Variants in ATP6V0D1 observed in about 807,000 individuals in gnomAD.
The protein encoded by ATP6V0D1 is V-type proton ATPase subunit d 1.
A neutral mutation model predicts 39.0 loss-of-function variants in ATP6V0D1; 13 were observed. The ratio of observed to expected loss-of-function variants is 0.33; its 90% confidence interval spans 0.22 to 0.53. The LOEUF is 0.53. Among genes scored for constraint, ATP6V0D1 ranks in the 20% least tolerant of loss-of-function variants. The probability of loss-of-function intolerance (pLI) is 0.94; values close to 1 mark genes in which losing one functional copy is unlikely to be tolerated. For synonymous variants in ATP6V0D1, 191 were observed against 191.2 expected (o/e 1.00, Z 0.01); for missense variants, 272 against 470.9 (o/e 0.58, Z 3.91).
At chr16:67,451,693 A>G (rs2142311135) in intron 2 of ATP6V0D1, among the ~76,000 whole-genome samples, 1 of 152,344 alleles carries the variant, frequency 6.6e-6, no homozygotes, top group East Asian at 1.9e-4. Flanking sequence ...AGTGGCTGGT[A>G]GGACTGGAAG....
chr16:67,466,134 T>C (rs2041327154), intron 1 of ATP6V0D1, among the ~76,000 whole-genome samples: 1 of 152,084 alleles, frequency 6.6e-6, no homozygotes, highest in Non-Finnish European at 1.5e-5. Context: ...CATCAACCTC[T>C]GAGGGAGTGG....
At chr16:67,477,906 T>C (rs2041429874) in intron 1 of ATP6V0D1, among the ~76,000 whole-genome samples, 1 of 152,134 alleles carries the variant, frequency 6.6e-6, no homozygotes, top group Non-Finnish European at 1.5e-5. Flanking sequence ...CCTGACCTCA[T>C]GATCCACCCG....
At chr16:67,478,660 A>G (rs1026196803) in intron 1 of ATP6V0D1, among the ~76,000 whole-genome samples, 67 of 140,588 alleles carry the variant, frequency 4.8e-4, no homozygotes, top group African/African-American at 1.5e-3. Context: ...TGTGTGAATG[A>G]GCAAAGGATA....
chr16:67,445,935 G>A (rs1345412253), intron 2 of ATP6V0D1: 1 of 455,784 alleles, frequency 2.2e-6, no homozygotes. Context: ...TGAGGCCTAG[G>A]GGAAATTCCT....
chr16:67,461,277 GC>G (rs1381547538), intron 1 of ATP6V0D1, among the ~76,000 whole-genome samples: 1 of 152,206 alleles, frequency 6.6e-6, no homozygotes, highest in African/African-American at 2.4e-5. Context: ...TGCAGCATGA[GC>G]ATGCTAACAC....
chr16:67,457,707 C>T, intron 1 of ATP6V0D1: 1 of 1,195,992 alleles, frequency 8.4e-7, no homozygotes, highest in Non-Finnish European at 1.1e-6. Context: ...AAGCAGAGGG[C>T]TCTCTTCTGC....
intron 1 of ATP6V0D1, among the ~76,000 whole-genome samples, chr16:67,462,420 T>G (rs2041295854): frequency 6.6e-6 from 1 of 152,212 alleles, no homozygotes; most frequent in African/African-American, 2.4e-5. Flanking sequence ...CTTCTTTTCA[T>G]TTTCCCAAAG....
intron 1 of ATP6V0D1, among the ~76,000 whole-genome samples, chr16:67,475,744 C>G (rs2041409147): frequency 6.6e-6 from 1 of 152,158 alleles, no homozygotes. Context: ...TTCCAAGTTT[C>G]TGAGTAAGAG....
In ATP6V0D1 at chr16:67,447,170, T is replaced by C. The variant is rs1226364478; in HGVS notation, c.303-2464A>G. 2.6e-5 allele frequency among the ~76,000 whole-genome samples: 4 copies of C among 152,216 alleles called. No individual in the cohort carries two copies. The highest frequency in any genetic ancestry group is 9.6e-5 in the African/African-American group (4 of 41,462). ...TAGTAAGGGCCACTCACAATCGCAC[T>C]ACCCCAGCCCCTTCAAGGCCCTCTT... On this transcript the variant is annotated intron_variant, in intron 2 of 7. Transcript: ENST00000290949. The surrounding 1 kb of genome is among the most constrained non-coding windows in gnomAD (Gnocchi z 4.1).
chr16:67,463,257 G>A (rs557507002), intron 1 of ATP6V0D1, among the ~76,000 whole-genome samples: 1 of 152,324 alleles, frequency 6.6e-6, no homozygotes, highest in East Asian at 1.9e-4. Flanking sequence ...GAGGCTGGGC[G>A]TGGTGGCTCA....
chr16:67,453,536 A>T lies in ATP6V0D1; in HGVS notation c.302+8T>A, dbSNP rs756421240. 6.8e-6 allele frequency: 11 copies of T among 1,613,956 alleles called. No homozygotes were observed. Among genetic ancestry groups the T allele is most frequent in the Non-Finnish European group, 9.3e-6 (11 of 1,179,894 alleles). On this transcript the variant is annotated splice_region_variant and intron_variant, in intron 2 of 7. Coordinates refer to ENST00000290949, the MANE Select transcript of ATP6V0D1 (RefSeq NM_004691.5). This position sits in a 1 kb window ranked among gnomAD's most constrained non-coding sequence, Gnocchi z 4.1. ...GTAAGAGAAGAAGGCGCTACAAAGC[A>T]CACTCACGTAATGAAGTCTAGGAAG...
rs549630312 is a variant in ATP6V0D1 at position 67,470,051 on chromosome 16, G to A, written c.130+10906C>T. Among the ~76,000 whole-genome samples the A allele has an allele frequency of 2.6e-5, 4 of 152,306 alleles. No homozygotes were observed. In the East Asian group the frequency reaches 7.7e-4, roughly 29 times the overall value. On this transcript the variant is annotated intron_variant, in intron 1 of 7. Coordinates refer to ENST00000290949, the MANE Select transcript of ATP6V0D1 (RefSeq NM_004691.5). ...TCATGCTTTTGAGCACTCTCTCGTA[G>A]TATTCCATTGTAAGAATAGACCATG...
chr16:67,480,838 G>T (rs2041466754), intron 1 of ATP6V0D1, 119 bp downstream of exon 1: 3 of 1,409,038 alleles, frequency 2.1e-6, no homozygotes, highest in Non-Finnish European at 2.9e-6. Flanking sequence ...TCAGCCCCAG[G>T]ATTCCCAGAG....
intron 1 of ATP6V0D1, chr16:67,459,097 C>T: frequency 1.0e-6 from 1 of 985,692 alleles, no homozygotes. Flanking sequence ...CCTAGCATTA[C>T]CTCAGCCCTT....
At chr16:67,438,903 G>A in intron 6 of ATP6V0D1, 33 bp from the exon 7 acceptor site, 1 of 1,613,478 alleles carries the variant, frequency 6.2e-7, no homozygotes, top group Non-Finnish European at 8.5e-7. Flanking sequence ...GCACAAGCAT[G>A]AGGGTTCTGG....
At chr16:67,442,310 T>A (rs1388901849) in intron 4 of ATP6V0D1, among the ~76,000 whole-genome samples, 1 of 152,216 alleles carries the variant, frequency 6.6e-6, no homozygotes, top group Non-Finnish European at 1.5e-5. Flanking sequence ...AGGGCCATCC[T>A]CAGCCCTGCT....
chr16:67,438,763 C>G (rs2041008270), intron 7 of ATP6V0D1, 30 bp downstream of exon 7: 1 of 1,614,036 alleles, frequency 6.2e-7, no homozygotes, highest in African/African-American at 1.3e-5. Context: ...AGGTTGGCCT[C>G]CCTCTGACAA....
intron 1 of ATP6V0D1, among the ~76,000 whole-genome samples, chr16:67,469,019 C>T (rs904608091): frequency 7.9e-5 from 12 of 152,230 alleles, no homozygotes; most frequent in African/African-American, 2.9e-4. Flanking sequence ...CAGATAAAAT[C>T]GGGCTAAAGG....
chr16:67,459,486 C>T (rs2041272133), intron 1 of ATP6V0D1, among the ~76,000 whole-genome samples: 1 of 152,230 alleles, frequency 6.6e-6, no homozygotes, highest in Admixed American at 6.5e-5. Context: ...AGGCTGGCCA[C>T]ACTGAGCCCC....
Sources: gnomAD v4.1 joint callset for allele counts (sites outside exome capture counted in the v4.1 genomes callset) on GRCh38, gnomAD v4.1.1 for gene constraint, Gnocchi (gnomAD v3.1) non-coding constraint, MANE v1.5 for transcripts, NCBI Gene and HGNC (gene_info 2026-07-23, HGNC 2026-07-21) for gene names.